The following MYO3A variants were observed in gnomAD, a reference collection of about 807,000 sequenced individuals.
The protein encoded by MYO3A is myosin IIIA.
In MYO3A, 180 loss-of-function variants were observed where a neutral mutation model predicts 192.7. The observed-to-expected ratio is 0.93, with a 90% CI of 0.83 to 1.06. The LOEUF (loss-of-function observed/expected upper bound fraction) is 1.06. MYO3A is among the 50% of genes least tolerant of loss of function. MYO3A has a pLI of 0.00. For synonymous variants in MYO3A, 628 were observed against 645.3 expected, an observed-to-expected ratio of 0.97 and a Z score of 0.41; for missense variants, 1,896 against 1,905.0, an observed-to-expected ratio of 1.00 and a Z score of 0.09.
chr10:26,079,205 C>A (rs1375589364), intron 14 of MYO3A, among the ~76,000 whole-genome samples: 1 of 152,116 alleles, frequency 6.6e-6, no homozygotes, highest in Admixed American at 6.6e-5. Context: ...GTGTTAGGTG[C>A]ACATATGTTT....
chr10:26,064,882 T>C (rs963922593), intron 10 of MYO3A, among the ~76,000 whole-genome samples: 19 of 152,276 alleles, frequency 1.2e-4, no homozygotes, highest in African/African-American at 4.6e-4. Context: ...TGGTTTGGGA[T>C]GTGTCTGTCT....
chr10:25,943,991 A>G (rs1016679295), intron 2 of MYO3A, among the ~76,000 whole-genome samples: 1 of 152,066 alleles, frequency 6.6e-6, no homozygotes, highest in Admixed American at 6.5e-5. Context: ...ATCTTAGGAA[A>G]GAAGCTTTTA....
intron 31 of MYO3A, among the ~76,000 whole-genome samples, chr10:26,189,439 A>C (rs1467285023): frequency 1.3e-5 from 2 of 152,354 alleles, no homozygotes; most frequent in African/African-American, 2.4e-5. Context: ...AAGAGAGATC[A>C]CTGGGGAGTC....
intron 31 of MYO3A, among the ~76,000 whole-genome samples, chr10:26,187,711 A>C (rs1842933249): frequency 7.4e-6 from 1 of 134,272 alleles, no homozygotes; most frequent in South Asian, 2.3e-4. Context: ...CTCATTGTTC[A>C]ATTCCCACCT....
intron 6 of MYO3A, among the ~76,000 whole-genome samples, chr10:25,999,178 G>A (rs1417362734): frequency 3.9e-5 from 6 of 152,110 alleles, no homozygotes; most frequent in East Asian, 1.9e-4. Flanking sequence ...GATTACAGGC[G>A]TGAGCCACCG....
At chr10:26,021,838 G>A in intron 8 of MYO3A, 190 bp downstream of exon 8, 1 of 705,760 alleles carries the variant, frequency 1.4e-6, no homozygotes, top group Non-Finnish European at 2.4e-6. Flanking sequence ...CCTGGTCTAA[G>A]TAAAAGAGCT....
intron 14 of MYO3A, among the ~76,000 whole-genome samples, chr10:26,081,178 G>C (rs186513688): frequency 1.8e-3 from 242 of 134,296 alleles, no homozygotes; most frequent in African/African-American, 6.6e-3. Context: ...GGGAAGGACC[G>C]TCAGGCGGGG....
chr10:26,106,866 A>G (rs1837837043), intron 17 of MYO3A, among the ~76,000 whole-genome samples: 1 of 152,142 alleles, frequency 6.6e-6, no homozygotes, highest in African/African-American at 2.4e-5. Flanking sequence ...AAATTTCTGT[A>G]TCTATGAGCT....
Position 26,174,451 on chromosome 10 carries a change from A to G in MYO3A, c.4187A>G (p.Tyr1396Cys), listed in dbSNP as rs761085845. ...AGAAACACTCATAATTTGTATTCCTATCCCACAAAACATGAGGAAATCAAT... is the reference window on the plus strand; with the variant it reads ...AGAAACACTCATAATTTGTATTCCTGTCCCACAAAACATGAGGAAATCAAT... ...VARNTHNLYS[Y>C]PTKHEEINNI... Residue 1396 changes from tyrosine to cysteine, a missense_variant, in exon 30 of 35, where the codon TAT (tyrosine) becomes TGT (cysteine). Physicochemically the swap from Tyr to Cys is radical, Grantham distance 194 (BLOSUM62 -2). Transcript: ENST00000642920. 1.9e-6 allele frequency: 3 copies of G among 1,614,084 alleles called. No homozygotes were observed. Among genetic ancestry groups the G allele is most frequent in the African/African-American group, 1.3e-5 (1 of 74,938 alleles).
intron 23 of MYO3A, among the ~76,000 whole-genome samples, chr10:26,152,976 GC>G (rs1156842318): frequency 6.6e-6 from 1 of 152,166 alleles, no homozygotes; most frequent in Non-Finnish European, 1.5e-5. Flanking sequence ...AAAACATTCA[GC>G]CTCTACTTAT....
At chr10:26,026,595 C>T in intron 10 of MYO3A, 63 bp downstream of exon 10, 4 of 1,584,226 alleles carry the variant, frequency 2.5e-6, no homozygotes, top group Non-Finnish European at 3.5e-6. Flanking sequence ...AACAGTTTAA[C>T]AATGTATTAG....
chr10:25,979,989 C>A (rs977056857), intron 4 of MYO3A, among the ~76,000 whole-genome samples: 1 of 152,218 alleles, frequency 6.6e-6, no homozygotes, highest in Admixed American at 6.5e-5. Flanking sequence ...GTAATCCCAG[C>A]ACTTTGGGAG....
At chr10:26,199,538 C>G (rs2132191819) in intron 32 of MYO3A, among the ~76,000 whole-genome samples, 1 of 152,052 alleles carries the variant, frequency 6.6e-6, no homozygotes, top group East Asian at 1.9e-4. Context: ...CTGCTGCACT[C>G]CAGCCTGAGT....
chr10:26,115,880 G>A (rs1009186092), intron 17 of MYO3A, among the ~76,000 whole-genome samples: 1 of 152,112 alleles, frequency 6.6e-6, no homozygotes, highest in Admixed American at 6.5e-5. Flanking sequence ...ACATTTGAAT[G>A]CAGTTTGCAA....
intron 2 of MYO3A, among the ~76,000 whole-genome samples, chr10:25,941,496 GC>G (rs2130821889): frequency 6.6e-6 from 1 of 152,206 alleles, no homozygotes; most frequent in Non-Finnish European, 1.5e-5. Context: ...GGATCTGAGA[GC>G]ATCCTGGTCA....
At position 26,068,878 on chromosome 10, in the gene MYO3A, C is replaced by T. The variant is rs749727681; in HGVS notation, c.1164C>T (p.Ser388=). Reference sequence around the variant, plus strand: ...CTTTTCAGAGTCTGGGTCTTTACTCCACAAAGGTATGTCGTATGGGGTGCA... The same window carrying T: ...CTTTTCAGAGTCTGGGTCTTTACTCTACAAAGGTATGTCGTATGGGGTGCA... ...LNPFQSLGLY[S]TKHSKLYIGS... The change falls in exon 12 of 35, where the codon TCC becomes TCT. Residue 388 remains serine (S), a synonymous_variant. Coordinates refer to ENST00000642920, the MANE Select transcript of MYO3A (RefSeq NM_017433.5). The T allele has an allele frequency of 1.3e-6, 2 of 1,563,448 alleles. No individual in the cohort carries two copies. The highest frequency in any genetic ancestry group is 1.4e-5 in the African/African-American group (1 of 73,922).
chr10:26,049,647 G>C (rs550573301), intron 10 of MYO3A, among the ~76,000 whole-genome samples: 3 of 143,898 alleles, frequency 2.1e-5, no homozygotes, highest in Non-Finnish European at 4.6e-5. Flanking sequence ...ATGCAAAGAT[G>C]AAATTCTTTC....
intron 14 of MYO3A, among the ~76,000 whole-genome samples, chr10:26,073,528 G>A (rs577072154): frequency 2.0e-5 from 3 of 150,408 alleles, no homozygotes; most frequent in Non-Finnish European, 4.4e-5. Context: ...GGGAGGCAGA[G>A]CTTGCAGTGA....
At chr10:25,941,355 T>A (rs1400449780) in intron 2 of MYO3A, among the ~76,000 whole-genome samples, 1 of 152,156 alleles carries the variant, frequency 6.6e-6, no homozygotes, top group Non-Finnish European at 1.5e-5. Context: ...AATATTTTGA[T>A]TTCTCCTTTC....
Sources: allele counts gnomAD v4.1 joint callset (sites outside exome capture counted in the v4.1 genomes callset), GRCh38; gene constraint gnomAD v4.1.1; transcripts MANE v1.5; gene names NCBI Gene and HGNC (gene_info 2026-07-23, HGNC 2026-07-21).